Variants in GRM8 observed in about 807,000 individuals in gnomAD.
The protein encoded by GRM8 is metabotropic glutamate receptor 8.
A neutral mutation model predicts 87.2 loss-of-function variants in GRM8; 47 were observed. That is an observed-to-expected ratio of 0.54 (90% CI 0.43 to 0.69). The LOEUF is 0.69. Among genes scored for constraint, GRM8 ranks in the 30% least tolerant of loss-of-function variants. GRM8 has a pLI of 0.00. For synonymous variants in GRM8, 396 were observed against 404.5 expected (o/e 0.98, Z 0.25); for missense variants, 1,019 against 1,139.2 (o/e 0.89, Z 1.52).
intron 6 of GRM8, among the ~76,000 whole-genome samples, chr7:126,885,801 C>T (rs1800435200): frequency 6.6e-6 from 1 of 152,168 alleles, no homozygotes; most frequent in Non-Finnish European, 1.5e-5. Flanking sequence ...TAGCTATCTT[C>T]TACCTTCAAA....
rs76724123 is a variant in GRM8 at position 127,138,839 on chromosome 7, C to A, written c.511-32127G>T. Among the ~76,000 whole-genome samples the A allele has an allele frequency of 4.7e-3, 710 of 152,058 alleles. 11 individuals are homozygous for A. Among genetic ancestry groups the A allele is most frequent in the African/African-American group, 0.016 (668 of 41,436 alleles). On this transcript the variant is annotated intron_variant, in intron 2 of 10. Transcript: ENST00000339582. ...CTCACCCTCTCTATCTTAAACAAGA[C>A]GAAAATCAGAACAAAGAAAACAGAG...
intron 2 of GRM8, among the ~76,000 whole-genome samples, chr7:127,179,684 A>T (rs1268175005): frequency 6.6e-6 from 1 of 152,106 alleles, no homozygotes; most frequent in African/African-American, 2.4e-5. Context: ...CTGGAAATCA[A>T]CTCCAAAAGG....
At chr7:126,577,604 T>C (rs901689663) in intron 8 of GRM8, among the ~76,000 whole-genome samples, 8 of 151,982 alleles carry the variant, frequency 5.3e-5, no homozygotes, top group Middle Eastern at 3.4e-3. Context: ...ATTCCAGTAC[T>C]GTAACCACAG....
chr7:126,501,607 A>T (rs1809652053), intron 9 of GRM8, among the ~76,000 whole-genome samples: 1 of 152,044 alleles, frequency 6.6e-6, no homozygotes, highest in Non-Finnish European at 1.5e-5. Context: ...CAGTGAGTAA[A>T]CAACATTAAA....
chr7:126,658,870 C>T (rs995648360), intron 7 of GRM8, among the ~76,000 whole-genome samples: 2 of 151,910 alleles, frequency 1.3e-5, no homozygotes, highest in Admixed American at 6.6e-5. Context: ...CCTGGCCGCG[C>T]GGCTAGGGGA....
intron 6 of GRM8, among the ~76,000 whole-genome samples, chr7:126,853,251 A>G (rs1797380143): frequency 6.6e-6 from 1 of 152,218 alleles, no homozygotes; most frequent in Non-Finnish European, 1.5e-5. Flanking sequence ...TTTTCTCTGC[A>G]TCATCAGTTA....
chr7:126,764,005 C>A (rs906506510), intron 7 of GRM8, among the ~76,000 whole-genome samples: 3 of 151,850 alleles, frequency 2.0e-5, no homozygotes. Context: ...AAAAAGCGTT[C>A]CAGTTCCCAT....
chr7:126,946,053 A>C (rs1031917689), intron 3 of GRM8, among the ~76,000 whole-genome samples: 1 of 152,228 alleles, frequency 6.6e-6, no homozygotes, highest in African/African-American at 2.4e-5. Context: ...GTAATTTTGC[A>C]TTCTTCCTTC....
At chr7:126,961,033 T>G (rs1017435127) in intron 3 of GRM8, among the ~76,000 whole-genome samples, 1 of 152,162 alleles carries the variant, frequency 6.6e-6, no homozygotes, top group Non-Finnish European at 1.5e-5. Context: ...CATCAAACAA[T>G]TCTCCTTCTT....
chr7:126,445,339 A>G (rs1045140703), intron 10 of GRM8: 1 of 152,028 alleles, frequency 6.6e-6, no homozygotes, highest in South Asian at 2.1e-4. Context: ...ACAAATCTTC[A>G]AATTATTTGC....
At chr7:126,694,171 A>G (rs546240368) in intron 7 of GRM8, among the ~76,000 whole-genome samples, 3 of 151,992 alleles carry the variant, frequency 2.0e-5, no homozygotes, top group Non-Finnish European at 2.9e-5. Context: ...ATATTTCCCT[A>G]TGTGATTCTG....
At chr7:126,471,026 T>G (rs1432404356) in intron 9 of GRM8, among the ~76,000 whole-genome samples, 3 of 152,226 alleles carry the variant, frequency 2.0e-5, no homozygotes, top group Non-Finnish European at 4.4e-5. Context: ...TCGCCCACTT[T>G]TTGATGGGGT....
intron 3 of GRM8, among the ~76,000 whole-genome samples, chr7:126,972,004 C>T (rs1211384): frequency 0.4 from 60,121 of 151,984 alleles, 12,103 homozygotes; most frequent in East Asian, 0.66. Context: ...TGCACAATTC[C>T]GTGGAGGTAG....
intron 3 of GRM8, among the ~76,000 whole-genome samples, chr7:127,074,684 C>T (rs1213713859): frequency 2.6e-5 from 4 of 152,212 alleles, no homozygotes; most frequent in Non-Finnish European, 5.9e-5. Flanking sequence ...TTCATCCAGT[C>T]TCCTGGCCCT....
At chr7:126,518,989 C>A (rs1180888295) in intron 9 of GRM8, among the ~76,000 whole-genome samples, 2 of 152,184 alleles carry the variant, frequency 1.3e-5, no homozygotes, top group Non-Finnish European at 2.9e-5. Context: ...TTACTTTTAA[C>A]TTTAACTCAC....
At chr7:127,217,863 A>T (rs2116687408) in intron 2 of GRM8, among the ~76,000 whole-genome samples, 1 of 152,358 alleles carries the variant, frequency 6.6e-6, no homozygotes, top group Admixed American at 6.5e-5. Flanking sequence ...TAGCTAAACA[A>T]ATCAATTATA....
intron 7 of GRM8, among the ~76,000 whole-genome samples, chr7:126,757,003 TA>T (rs1817082885): frequency 6.6e-6 from 1 of 152,192 alleles, no homozygotes. Context: ...TAAACCTTTA[TA>T]AATTTAAACC....
At chr7:126,918,606 T>G (rs2131344035) in intron 3 of GRM8, among the ~76,000 whole-genome samples, 1 of 152,348 alleles carries the variant, frequency 6.6e-6, no homozygotes, top group South Asian at 2.1e-4. Flanking sequence ...AAGGCTTTAC[T>G]TTAATGATAA....
intron 6 of GRM8, among the ~76,000 whole-genome samples, chr7:126,883,903 T>G (rs745582256): frequency 9.2e-5 from 14 of 152,168 alleles, no homozygotes; most frequent in Non-Finnish European, 1.6e-4. Context: ...TAGACATTTT[T>G]AAGCACATTT....
Sources: gnomAD v4.1 joint callset for allele counts (sites outside exome capture counted in the v4.1 genomes callset) on GRCh38, gnomAD v4.1.1 for gene constraint, MANE v1.5 for transcripts, NCBI Gene and HGNC (gene_info 2026-07-23, HGNC 2026-07-21) for gene names.